The following DNAH11 variants were observed in gnomAD, a reference collection of about 807,000 sequenced individuals.
DNAH11 encodes axonemal beta dynein heavy chain 11.
DNAH11 carries 442 observed loss-of-function variants against 526.0 expected under a neutral mutation model. The observed-to-expected ratio is 0.84, with a 90% CI of 0.78 to 0.91. DNAH11 has a LOEUF of 0.91. DNAH11 is among the 40% of genes least tolerant of loss of function. The pLI is 0.00. For synonymous variants in DNAH11, 2,461 were observed against 1,935.9 expected, an observed-to-expected ratio of 1.27 and a Z score of -7.12; for missense variants, 6,989 against 5,448.7, an observed-to-expected ratio of 1.28 and a Z score of -8.90.
chr7:21,690,262 A>G (rs1421828841), intron 34 of DNAH11, among the ~76,000 whole-genome samples: 2 of 152,206 alleles, frequency 1.3e-5, no homozygotes, highest in Non-Finnish European at 2.9e-5. Context: ...CTCCAGAGCT[A>G]TTGTACCTCT....
chr7:21,775,475 G>T (rs1196452361), intron 56 of DNAH11, among the ~76,000 whole-genome samples: 2 of 151,840 alleles, frequency 1.3e-5, no homozygotes, highest in Non-Finnish European at 2.9e-5. Flanking sequence ...TTAATGAGCC[G>T]AGCATGGTGG....
chr7:21,711,785 T>A lies in DNAH11; in HGVS notation c.6908T>A (p.Leu2303Ter), dbSNP rs765332471. The change falls in exon 42 of 82, where the codon TTA becomes TAA. Residue 2303 changes from leucine to a stop codon, truncating the protein, a stop_gained. Transcript: ENST00000409508. LOFTEE classifies it high-confidence loss of function. ...FMRLLFEIHH[L>*]RSATPATVSR... The stretch of plus-strand genomic sequence containing the variant: ...AGGCTTCTGTTTGAGATACATCACT[T>A]AAGGAGCGCAACCCCGGCCACTGTT... 6.2e-7 allele frequency: 1 copy of A among 1,613,890 alleles called. No individual in the cohort carries two copies. Among genetic ancestry groups the A allele is most frequent in the South Asian group, 1.1e-5 (1 of 91,088 alleles).
At chr7:21,657,600 G>C (rs1043769851) in intron 29 of DNAH11, among the ~76,000 whole-genome samples, 1 of 152,190 alleles carries the variant, frequency 6.6e-6, no homozygotes, top group Non-Finnish European at 1.5e-5. Flanking sequence ...AGGGTATCCA[G>C]GAGACATACA....
At chr7:21,749,085 AAAAAAG>A (rs1786287796) in intron 52 of DNAH11, among the ~76,000 whole-genome samples, 1 of 152,110 alleles carries the variant, frequency 6.6e-6, no homozygotes. Context: ...TAGGTTGGGG[AAAAAAG>A]ACACTAACTT....
intron 65 of DNAH11, among the ~76,000 whole-genome samples, chr7:21,830,501 T>C (rs898104785): frequency 1.3e-5 from 2 of 152,168 alleles, no homozygotes; most frequent in Admixed American, 1.3e-4. Context: ...CCTCTTGTGA[T>C]AGAAAGTCAG....
At chr7:21,607,534 A>G (rs1488915612) in intron 20 of DNAH11, among the ~76,000 whole-genome samples, 1 of 152,158 alleles carries the variant, frequency 6.6e-6, no homozygotes, top group Admixed American at 6.5e-5. Flanking sequence ...TTGAGTCCTT[A>G]CTATATGTCA....
chr7:21,620,161 G>A (rs1350655094), intron 25 of DNAH11, 83 bp downstream of exon 25: 3 of 1,137,360 alleles, frequency 2.6e-6, no homozygotes, highest in South Asian at 1.9e-5. Context: ...ACCATGTGAT[G>A]TTTTGATGTA....
chr7:21,571,857 G>T lies in DNAH11; in HGVS notation c.1477G>T (p.Gly493Cys). 6.2e-7 allele frequency: 1 copy of T among 1,613,018 alleles called. No individual in the cohort carries two copies. The highest frequency in any genetic ancestry group is 1.1e-5 in the South Asian group (1 of 90,916). The change falls in exon 8 of 82, where the codon GGT becomes TGT. Residue 493 changes from glycine (G) to cysteine (C), a missense_variant. Coordinates refer to ENST00000409508, the MANE Select transcript of DNAH11 (RefSeq NM_001277115.2). Reference sequence around the variant, plus strand: ...TGAAAAGCTGGAAAGACTGGAATTTGGTGGTACCAAAGGAGCAATTTTAAA... The same window carrying T: ...TGAAAAGCTGGAAAGACTGGAATTTTGTGGTACCAAAGGAGCAATTTTAAA... ...EFEKLERLEF[G>C]GTKGAILNGQ...
chr7:21,619,721 A>G (rs1430285876), intron 24 of DNAH11, among the ~76,000 whole-genome samples: 3 of 152,198 alleles, frequency 2.0e-5, no homozygotes, highest in African/African-American at 4.8e-5. Flanking sequence ...GTTAGGGATG[A>G]TAAACTCACA....
At chr7:21,757,506 A>G (rs952494683) in intron 54 of DNAH11, among the ~76,000 whole-genome samples, 20 of 152,112 alleles carry the variant, frequency 1.3e-4, no homozygotes, top group Admixed American at 3.9e-4. Context: ...TGAGAGTGCT[A>G]TGCAAGTTTT....
At chr7:21,765,823 C>T (rs1390719216) in intron 55 of DNAH11, among the ~76,000 whole-genome samples, 5 of 152,144 alleles carry the variant, frequency 3.3e-5, no homozygotes, top group East Asian at 3.9e-4. Flanking sequence ...TGCACACGTG[C>T]GTGAACACGG....
intron 62 of DNAH11, among the ~76,000 whole-genome samples, chr7:21,805,418 G>A (rs968380517): frequency 9.2e-5 from 14 of 151,950 alleles, no homozygotes; most frequent in Non-Finnish European, 1.6e-4. Context: ...CTAGATATTT[G>A]CTGAATGAAT....
At chr7:21,692,183 T>A (rs1783659598) in intron 35 of DNAH11, among the ~76,000 whole-genome samples, 1 of 152,220 alleles carries the variant, frequency 6.6e-6, no homozygotes, top group Admixed American at 6.5e-5. Flanking sequence ...AGATCAGGTT[T>A]AGAGATAAAA....
At chr7:21,899,135 A>G (rs1784640519) in intron 79 of DNAH11, among the ~76,000 whole-genome samples, 1 of 152,232 alleles carries the variant, frequency 6.6e-6, no homozygotes, top group African/African-American at 2.4e-5. Flanking sequence ...TAAACGCTAC[A>G]GTCATCAAGT....
chr7:21,686,712 C>T (rs1186461807), intron 32 of DNAH11, among the ~76,000 whole-genome samples: 1 of 152,092 alleles, frequency 6.6e-6, no homozygotes, highest in Non-Finnish European at 1.5e-5. Flanking sequence ...ATTCATTCAT[C>T]ATCTAAGACT....
intron 40 of DNAH11, among the ~76,000 whole-genome samples, chr7:21,708,314 C>T (rs541764742): frequency 1.3e-5 from 2 of 152,316 alleles, no homozygotes; most frequent in African/African-American, 4.8e-5. Flanking sequence ...ATCCTTGAGG[C>T]CTCTCTCCCT....
chr7:21,879,615 G>C (rs1276729942), intron 74 of DNAH11, among the ~76,000 whole-genome samples: 2 of 152,174 alleles, frequency 1.3e-5, no homozygotes, highest in Admixed American at 6.5e-5. Context: ...CTAAGCTGCT[G>C]TAAGAAAGAG....
At chr7:21,590,870 A>G (rs772319352) in intron 12 of DNAH11, 48 bp from the exon 13 acceptor site, 10 of 1,116,880 alleles carry the variant, frequency 9.0e-6, no homozygotes, top group African/African-American at 1.7e-5. Flanking sequence ...TTAAAATAGA[A>G]TGACATTATG....
intron 73 of DNAH11, among the ~76,000 whole-genome samples, chr7:21,869,496 G>GA (rs972841899): frequency 4.7e-5 from 7 of 148,934 alleles, no homozygotes; most frequent in South Asian, 2.1e-4. Flanking sequence ...TGAGCGAAAA[G>GA]AAAAAAAAAA....
Sources: allele counts gnomAD v4.1 joint callset (sites outside exome capture counted in the v4.1 genomes callset), GRCh38; gene constraint gnomAD v4.1.1; transcripts MANE v1.5; gene names NCBI Gene and HGNC (gene_info 2026-07-23, HGNC 2026-07-21).